Variants in SLC24A2 observed in about 807,000 individuals in gnomAD.
SLC24A2 encodes the protein sodium/potassium/calcium exchanger 2.
SLC24A2 carries 36 observed loss-of-function variants against 62.0 expected under a neutral mutation model. The ratio of observed to expected loss-of-function variants is 0.58; its 90% confidence interval spans 0.44 to 0.77. SLC24A2 has a LOEUF of 0.77. Ranked by LOEUF, SLC24A2 falls within the 30% of genes least tolerant of loss-of-function variation. The pLI, the probability that SLC24A2 is intolerant of heterozygous loss-of-function variation, is 0.00. For missense variants in SLC24A2, 846 were observed against 817.9 expected (o/e 1.03, Z -0.42); for synonymous variants, 358 against 294.0 (o/e 1.22, Z -2.23).
chr9:20,118,594 T>C, the SLC24A2 span, among the ~76,000 whole-genome samples: 1 of 152,056 alleles, frequency 6.6e-6, no homozygotes, highest in Non-Finnish European at 1.5e-5. Flanking sequence ...AAACCTTAGG[T>C]ATTTATATCT....
the SLC24A2 span, among the ~76,000 whole-genome samples, chr9:19,866,824 A>G: frequency 6.6e-6 from 1 of 151,704 alleles, no homozygotes; most frequent in Non-Finnish European, 1.5e-5. Context: ...TTTAGTAGAG[A>G]CGGGGTCACT....
chr9:20,072,140 A>G, the SLC24A2 span, among the ~76,000 whole-genome samples: 467 of 152,132 alleles, frequency 3.1e-3, 3 homozygotes, highest in African/African-American at 0.011. Context: ...CCTTTCATGG[A>G]GACTTCATAG....
chr9:20,102,904 C>A, the SLC24A2 span, among the ~76,000 whole-genome samples: 2 of 152,082 alleles, frequency 1.3e-5, 1 homozygote, highest in South Asian at 4.1e-4. Flanking sequence ...CATTGCCTCA[C>A]TCTGGAAGCT....
At chr9:19,905,811 G>T in the SLC24A2 span, among the ~76,000 whole-genome samples, 1 of 152,104 alleles carries the variant, frequency 6.6e-6, no homozygotes, top group Non-Finnish European at 1.5e-5. Context: ...AGATTAACAG[G>T]AGGAAAGAAC....
chr9:20,123,219 G>A, the SLC24A2 span, among the ~76,000 whole-genome samples: 1 of 152,008 alleles, frequency 6.6e-6, no homozygotes, highest in African/African-American at 2.4e-5. Flanking sequence ...CTAGCTCTGT[G>A]GGGTCCCTTT....
chr9:19,984,483 A>G, the SLC24A2 span, among the ~76,000 whole-genome samples: 2 of 152,178 alleles, frequency 1.3e-5, no homozygotes, highest in African/African-American at 4.8e-5. Context: ...AGGTATGTAG[A>G]TCATCTGAGG....
the SLC24A2 span, among the ~76,000 whole-genome samples, chr9:19,856,307 G>A: frequency 3.0e-3 from 450 of 152,266 alleles, 1 homozygote; most frequent in African/African-American, 0.01. Flanking sequence ...CTTAACCTCA[G>A]CCCAGTTCTG....
chr9:19,511,380 T>A lies in SLC24A2; in HGVS notation c.*4773A>T, dbSNP rs1832710145. On this transcript the variant is annotated 3_prime_UTR_variant, in exon 11 of 11. Transcript: ENST00000341998. ...TTCTTACCCAAGGTCTTCCTGAGAT[T>A]ATTTTTTAAAAAAATCTAAAACTGT... 1 of 152,184 alleles carries A rather than the reference T, an allele frequency of 6.6e-6. No individual in the cohort carries two copies. Among genetic ancestry groups the A allele is most frequent in the African/African-American group, 2.4e-5 (1 of 41,446 alleles). 9.4% of individuals were successfully genotyped at this position (152,184 alleles called of 1,614,324 possible). A position where few individuals can be genotyped will look rare whatever the true frequency, so the allele number is the denominator to read the frequency against.
At chr9:20,235,366 G>T in the SLC24A2 span, among the ~76,000 whole-genome samples, 1 of 152,244 alleles carries the variant, frequency 6.6e-6, no homozygotes, top group Non-Finnish European at 1.5e-5. Context: ...AGCTGTGGTG[G>T]GCTCCACCCA....
At chr9:19,597,431 G>A in intron 4 of SLC24A2, 152 bp from the exon 5 acceptor site, 1 of 682,146 alleles carries the variant, frequency 1.5e-6, no homozygotes, top group Non-Finnish European at 2.7e-6. Context: ...GGGCCATGTG[G>A]CAGACAGCTT....
the SLC24A2 span, among the ~76,000 whole-genome samples, chr9:19,856,836 T>G: frequency 6.6e-6 from 1 of 152,220 alleles, no homozygotes; most frequent in Non-Finnish European, 1.5e-5. Flanking sequence ...TGCGCTGCAC[T>G]GCACTGGGGA....
At chr9:19,955,656 G>A in the SLC24A2 span, among the ~76,000 whole-genome samples, 1 of 152,014 alleles carries the variant, frequency 6.6e-6, no homozygotes, top group South Asian at 2.1e-4. Flanking sequence ...TCCTCAATAA[G>A]CTATGTGAGC....
intron 7 of SLC24A2, among the ~76,000 whole-genome samples, chr9:19,556,359 C>G (rs1388811437): frequency 2.0e-5 from 3 of 152,190 alleles, no homozygotes; most frequent in African/African-American, 7.2e-5. Context: ...AAAAATATTT[C>G]TTGGAGGCAA....
the SLC24A2 span, among the ~76,000 whole-genome samples, chr9:20,190,465 G>A: frequency 6.6e-6 from 1 of 152,172 alleles, no homozygotes; most frequent in African/African-American, 2.4e-5. Context: ...CTGGTAAGAA[G>A]CGATGTAATA....
At chr9:20,291,453 G>A in the SLC24A2 span, among the ~76,000 whole-genome samples, 561 of 152,284 alleles carry the variant, frequency 3.7e-3, 2 homozygotes, top group African/African-American at 0.012. Context: ...CAATTTGTCT[G>A]GAGCTTTAAG....
chr9:19,816,544 A>G, the SLC24A2 span, among the ~76,000 whole-genome samples: 2 of 152,124 alleles, frequency 1.3e-5, no homozygotes, highest in Admixed American at 6.6e-5. Flanking sequence ...TGCTATAAGG[A>G]AACACCCAAG....
the SLC24A2 span, among the ~76,000 whole-genome samples, chr9:20,103,051 C>T: frequency 2.8e-4 from 43 of 152,344 alleles, no homozygotes; most frequent in East Asian, 2.7e-3. Flanking sequence ...TTATATCCCA[C>T]GCCTGGCTTG....
At position 19,560,916 on chromosome 9, in the gene SLC24A2, TAGAGAGAGAGAG is replaced by T. The variant is rs139732950; in HGVS notation, c.1348-10660_1348-10649del. Among the ~76,000 whole-genome samples, 306 of 119,438 alleles carry T rather than the reference TAGAGAGAGAGAG, an allele frequency of 2.6e-3. 1 individual carries two copies. Among genetic ancestry groups the T allele is most frequent in the African/African-American group, 4.9e-3 (144 of 29,620 alleles). 78.4% of individuals were successfully genotyped at this position (119,438 alleles called of 152,430 possible). ...GTGTGTGTATATATATATATATATA[TAGAGAGAGAGAG>T]AGAGAGAGAGAGAGAGAGACAGAGT... On this transcript the variant is annotated intron_variant, in intron 7 of 10. Transcript: ENST00000341998.
At chr9:19,862,823 AC>A in the SLC24A2 span, among the ~76,000 whole-genome samples, 42 of 152,008 alleles carry the variant, frequency 2.8e-4, no homozygotes. Flanking sequence ...TTTACCTCAA[AC>A]CAAAAAGCAT....
Sources: allele counts gnomAD v4.1 joint callset (sites outside exome capture counted in the v4.1 genomes callset), GRCh38; gene constraint gnomAD v4.1.1; transcripts MANE v1.5; gene names NCBI Gene and HGNC (gene_info 2026-07-23, HGNC 2026-07-21).